The following FCN2 variants were observed in gnomAD, a reference collection of about 807,000 sequenced individuals.
FCN2 encodes ficolin 2, also known as ficolin-2.
In FCN2, 31 loss-of-function variants were observed where a neutral mutation model predicts 32.5. That is an observed-to-expected ratio of 0.96 (90% CI 0.72 to 1.29). The LOEUF (loss-of-function observed/expected upper bound fraction) is 1.29. Ranked by LOEUF, FCN2 falls within the 50% of genes most tolerant of loss-of-function variation. FCN2 has a pLI of 0.00. For synonymous variants in FCN2, 181 were observed against 164.5 expected (o/e 1.10, Z -0.77); for missense variants, 412 against 406.5 (o/e 1.01, Z -0.12).
At position 134,885,360 on chromosome 9, in the gene FCN2, C is replaced by T. The variant is rs773419795; in HGVS notation, c.423C>T (p.Gly141=). 1.2e-6 allele frequency: 2 copies of T among 1,613,530 alleles called. No individual in the cohort carries two copies. The highest frequency in any genetic ancestry group is 2.7e-5 in the African/African-American group (2 of 75,034). Reference sequence around the variant, plus strand: ...GTGACATGGACACGGACGGAGGGGGCTGGACCGTGAGTGTGGGGCTGGGCA... The same window carrying T: ...GTGACATGGACACGGACGGAGGGGGTTGGACCGTGAGTGTGGGGCTGGGCA... The part of the protein sequence containing the change: ...VLCDMDTDGG[G]WTVFQRRVDG... The change falls in exon 5 of 8, where the codon GGC becomes GGT. Residue 141 remains glycine (G), a synonymous_variant. Transcript: ENST00000291744.
chr9:134,866,712 A>C, the FCN2 span, among the ~76,000 whole-genome samples: 1 of 140,350 alleles, frequency 7.1e-6, no homozygotes, highest in Non-Finnish European at 1.6e-5. Flanking sequence ...AACCTACAAA[A>C]TGGGAGAAAA....
intron 4 of FCN2, 44 bp downstream of exon 4, chr9:134,884,816 C>T (rs1377242613): frequency 6.3e-7 from 1 of 1,598,158 alleles, no homozygotes; most frequent in Non-Finnish European, 8.6e-7. Context: ...TGTGGCTGCC[C>T]TTGGCTGGAA....
At chr9:134,870,666 C>G in the FCN2 span, among the ~76,000 whole-genome samples, 1 of 152,146 alleles carries the variant, frequency 6.6e-6, no homozygotes, top group Admixed American at 6.5e-5. The surrounding 1 kb of genome is among the most constrained non-coding windows in gnomAD (Gnocchi z 4.3). Flanking sequence ...CACCACTGAC[C>G]GCACAGCCAC....
At chr9:134,884,563 G>T (rs764047530) in intron 3 of FCN2, among the ~76,000 whole-genome samples, 177 bp from the exon 4 acceptor site, 4 of 152,226 alleles carry the variant, frequency 2.6e-5, no homozygotes, top group Admixed American at 6.5e-5. Context: ...GCCAGTGTAG[G>T]CATCCCTCGA....
rs113565542 is a variant in FCN2 at position 134,883,313 on chromosome 9, C to T, written c.226C>T (p.Pro76Ser). ...TTTGGAAATTGCAGGAGAACGTGGC[C>T]CCCCTGGACCTCCTGGGAAGGCAGG... The part of the protein sequence containing the change: ...GTNGKRGERG[P>S]PGPPGKAGPP... Residue 76 changes from proline to serine, a missense_variant, in exon 3 of 8, where the codon CCC (proline) becomes TCC (serine). Transcript: ENST00000291744. 1.1e-5 allele frequency: 17 copies of T among 1,613,346 alleles called. No individual in the cohort carries two copies. The highest frequency in any genetic ancestry group is 8.0e-5 in the African/African-American group (6 of 75,000).
chr9:134,882,597 G>C lies in FCN2; in HGVS notation c.172G>C (p.Ala58Pro). Reference sequence around the variant, plus strand: ...CCGAGGCTGTCCGGGGCTGCCTGGGGCCCCTGGGCCCAAGGGAGAGGCAGG... The same window carrying C: ...CCGAGGCTGTCCGGGGCTGCCTGGGCCCCCTGGGCCCAAGGGAGAGGCAGG... ...ILRGCPGLPG[A>P]PGPKGEAGTN... The change falls in exon 2 of 8, where the codon GCC (alanine) becomes CCC (proline). Residue 58 changes from alanine (A) to proline (P), a missense_variant. Physicochemically the swap from Ala to Pro is conservative, Grantham distance 27. Coordinates refer to ENST00000291744, the MANE Select transcript of FCN2 (RefSeq NM_004108.3). 1 of 1,614,118 alleles carries C rather than the reference G, an allele frequency of 6.2e-7. No individual in the cohort carries two copies.
the FCN2 span, among the ~76,000 whole-genome samples, chr9:134,875,437 C>T: frequency 5.2e-4 from 79 of 152,272 alleles, no homozygotes; most frequent in African/African-American, 1.5e-3. Flanking sequence ...CCCCACCCCC[C>T]TTGAGTGTAG....
chr9:134,887,035 C>T (rs1830767745), intron 7 of FCN2, 133 bp from the exon 8 acceptor site: 9 of 1,049,998 alleles, frequency 8.6e-6, no homozygotes, highest in Non-Finnish European at 1.3e-5. Context: ...GATTGCACTT[C>T]TTGGATTGTG....
At chr9:134,877,175 C>A (rs886460259), upstream of FCN2, among the ~76,000 whole-genome samples, 2 of 152,022 alleles carry the variant, frequency 1.3e-5, no homozygotes, top group Non-Finnish European at 2.9e-5. Flanking sequence ...TCTCTTTTTT[C>A]TACTTTGGAT....
intron 6 of FCN2, among the ~76,000 whole-genome samples, chr9:134,886,143 C>T (rs956003199): frequency 6.6e-6 from 1 of 152,176 alleles, no homozygotes; most frequent in Non-Finnish European, 1.5e-5. Flanking sequence ...ACTGGCATCT[C>T]AGGTCCTGAG....
intron 3 of FCN2, among the ~76,000 whole-genome samples, chr9:134,884,401 C>T (rs1830712779): frequency 6.6e-6 from 1 of 152,128 alleles, no homozygotes; most frequent in Admixed American, 6.5e-5. Flanking sequence ...TTACTGTGTC[C>T]ACCAAGATGG....
chr9:134,886,866 T>C (rs1247264626), intron 7 of FCN2, among the ~76,000 whole-genome samples: 1 of 151,956 alleles, frequency 6.6e-6, no homozygotes, highest in Non-Finnish European at 1.5e-5. Context: ...CTGGAAGGGG[T>C]CTGCCATGAT....
chr9:134,864,152 C>T, the FCN2 span, among the ~76,000 whole-genome samples: 1 of 152,250 alleles, frequency 6.6e-6, no homozygotes, highest in African/African-American at 2.4e-5. Flanking sequence ...CTGGGAACCA[C>T]TCAGACCGCA....
the FCN2 span, among the ~76,000 whole-genome samples, chr9:134,874,997 T>C: frequency 1.3e-5 from 2 of 152,248 alleles, no homozygotes; most frequent in South Asian, 2.1e-4. Context: ...TAATTATTCA[T>C]TGGTGATTTG....
the FCN2 span, among the ~76,000 whole-genome samples, chr9:134,870,029 T>C: frequency 6.6e-6 from 1 of 152,148 alleles, no homozygotes; most frequent in Non-Finnish European, 1.5e-5. The surrounding 1 kb of genome is among the most constrained non-coding windows in gnomAD (Gnocchi z 4.3). Context: ...CGGATCCGAC[T>C]CTGGTGGTCC....
chr9:134,872,591 CA>C, the FCN2 span, among the ~76,000 whole-genome samples: 5 of 152,122 alleles, frequency 3.3e-5, no homozygotes, highest in Non-Finnish European at 7.4e-5. Flanking sequence ...TCGCAGAAGG[CA>C]AAGGAGGAAC....
chr9:134,868,811 C>T, the FCN2 span, among the ~76,000 whole-genome samples: 1 of 152,244 alleles, frequency 6.6e-6, no homozygotes, highest in South Asian at 2.1e-4. The surrounding 1 kb of genome is among the most constrained non-coding windows in gnomAD (Gnocchi z 4.3). Context: ...TCCGTCCTTG[C>T]TTCCCTGTGA....
At position 134,884,886 on chromosome 9, in the gene FCN2, G is replaced by C. The variant is rs550613331; in HGVS notation, c.301+114G>C. On this transcript the variant is annotated intron_variant, in intron 4 of 7. Transcript: ENST00000291744. ...GTGACAAATATGAACAGAAGAAAAT[G>C]GTTGCTTGCCCGTTTCCTTGTCCCC... 16 of 996,756 alleles carry C rather than the reference G, an allele frequency of 1.6e-5. No homozygotes were observed. The East Asian group carries it at 2.1e-4, about 13-fold the overall frequency. 61.7% of individuals were successfully genotyped at this position (996,756 alleles called of 1,614,324 possible). A position where few individuals can be genotyped will look rare whatever the true frequency, so the allele number is the denominator to read the frequency against.
chr9:134,885,164 C>G, intron 4 of FCN2, 75 bp from the exon 5 acceptor site: 1 of 1,597,572 alleles, frequency 6.3e-7, no homozygotes, highest in Admixed American at 1.7e-5. Context: ...CTTCTTCCTC[C>G]CAGGCCTCCC....
Sources: allele counts gnomAD v4.1 joint callset (sites outside exome capture counted in the v4.1 genomes callset), GRCh38; gene constraint gnomAD v4.1.1; non-coding constraint Gnocchi (gnomAD v3.1); transcripts MANE v1.5; gene names NCBI Gene and HGNC (gene_info 2026-07-23, HGNC 2026-07-21).